TRPM3: variants seen among roughly 807,000 people sequenced by gnomAD.
The protein encoded by TRPM3 is long transient receptor potential channel 3.
Under a neutral mutation model 181.2 loss-of-function variants are expected in TRPM3, and 77 were observed. The observed-to-expected ratio is 0.42, with a 90% CI of 0.35 to 0.51. The LOEUF is 0.51. Ranked by LOEUF, TRPM3 falls within the 20% of genes least tolerant of loss-of-function variation. The pLI, the probability that TRPM3 is intolerant of heterozygous loss-of-function variation, is 0.01. For synonymous variants in TRPM3, 745 were observed against 796.4 expected (o/e 0.94, Z 1.09); for missense variants, 1,759 against 2,196.7 (o/e 0.80, Z 3.98).
At chr9:71,446,537 A>T in intron 1 of TRPM3, 2 of 1,088,076 alleles carry the variant, frequency 1.8e-6, no homozygotes, top group Non-Finnish European at 2.6e-6. Flanking sequence ...AAGCGGCGCC[A>T]CAAGTTCCCT....
chr9:71,205,087 T>C (rs1291923201), intron 1 of TRPM3, among the ~76,000 whole-genome samples: 1 of 151,692 alleles, frequency 6.6e-6, no homozygotes, highest in Non-Finnish European at 1.5e-5. Flanking sequence ...CAGGGAGGAA[T>C]TGCATTAGGA....
intron 1 of TRPM3, among the ~76,000 whole-genome samples, chr9:71,161,426 T>G (rs1286467240): frequency 1.3e-5 from 2 of 152,138 alleles, no homozygotes; most frequent in Non-Finnish European, 1.5e-5. Flanking sequence ...TGTATTTTCC[T>G]TGAGAAAGGA....
At chr9:71,326,505 T>C (rs1458730705) in intron 1 of TRPM3, among the ~76,000 whole-genome samples, 1 of 152,258 alleles carries the variant, frequency 6.6e-6, no homozygotes, top group Non-Finnish European at 1.5e-5. Context: ...ATAACTTACC[T>C]GGCTGAGCAT....
At chr9:71,239,758 GCTTT>G (rs945703661) in intron 1 of TRPM3, among the ~76,000 whole-genome samples, 2 of 151,986 alleles carry the variant, frequency 1.3e-5, no homozygotes, top group African/African-American at 4.8e-5. Context: ...TATTAAATGG[GCTTT>G]CTTTTTTGTC....
intron 1 of TRPM3, among the ~76,000 whole-genome samples, chr9:70,916,830 G>T (rs370029634): frequency 1.3e-5 from 2 of 152,166 alleles, no homozygotes; most frequent in Non-Finnish European, 2.9e-5. Context: ...TAACTTCACA[G>T]TATGGTGATA....
At chr9:70,766,924 G>C (rs2079247611) in intron 7 of TRPM3, among the ~76,000 whole-genome samples, 1 of 152,208 alleles carries the variant, frequency 6.6e-6, no homozygotes, top group South Asian at 2.1e-4. Flanking sequence ...AACTATAATA[G>C]TACTTATCTC....
At chr9:70,841,510 T>TA (rs933651102) in intron 5 of TRPM3, among the ~76,000 whole-genome samples, 5 of 150,240 alleles carry the variant, frequency 3.3e-5, no homozygotes, top group African/African-American at 1.2e-4. Flanking sequence ...AATCATTATA[T>TA]AAAAAAGACA....
intron 8 of TRPM3, among the ~76,000 whole-genome samples, chr9:70,689,998 T>C (rs1407963080): frequency 6.6e-6 from 1 of 152,186 alleles, no homozygotes; most frequent in Non-Finnish European, 1.5e-5. Flanking sequence ...AAGGTATCTA[T>C]TAATTAGCTT....
At chr9:71,368,352 GC>G (rs1339469699) in intron 1 of TRPM3, among the ~76,000 whole-genome samples, 1 of 152,172 alleles carries the variant, frequency 6.6e-6, no homozygotes, top group Non-Finnish European at 1.5e-5. Flanking sequence ...TTCTCAGGCA[GC>G]TGGCTAAACT....
At chr9:70,928,469 T>C (rs2096743052) in intron 1 of TRPM3, among the ~76,000 whole-genome samples, 1 of 152,206 alleles carries the variant, frequency 6.6e-6, no homozygotes. Context: ...AGAACCCATC[T>C]AAATGTTGAG....
chr9:70,628,818 T>TAAAAAAAAAAAAAAA (rs10699305), intron 12 of TRPM3, among the ~76,000 whole-genome samples: 1 of 89,538 alleles, frequency 1.1e-5, no homozygotes, highest in Non-Finnish European at 2.1e-5. Flanking sequence ...GACTCTGTCT[T>TAAAAAAAAAAAAAAA]AAAAAAAAAA....
intron 1 of TRPM3, among the ~76,000 whole-genome samples, chr9:71,442,857 A>G (rs771894766): frequency 3.9e-5 from 6 of 152,260 alleles, no homozygotes; most frequent in Non-Finnish European, 8.8e-5. Flanking sequence ...CTGCACAGAT[A>G]GAATCAAAAC....
At chr9:70,538,905 C>G (rs1005351069) in intron 25 of TRPM3, among the ~76,000 whole-genome samples, 11 of 152,216 alleles carry the variant, frequency 7.2e-5, no homozygotes, top group Non-Finnish European at 1.2e-4. Flanking sequence ...TTATTTTTCA[C>G]TTGCTCAAAT....
At chr9:71,336,029 T>C (rs2090533355) in intron 1 of TRPM3, among the ~76,000 whole-genome samples, 1 of 152,054 alleles carries the variant, frequency 6.6e-6, no homozygotes, top group Non-Finnish European at 1.5e-5. Context: ...ACTATTAGCT[T>C]ATTAACATAT....
At chr9:70,866,495 A>T (rs2095652058) in intron 1 of TRPM3, among the ~76,000 whole-genome samples, 1 of 152,040 alleles carries the variant, frequency 6.6e-6, no homozygotes, top group Non-Finnish European at 1.5e-5. Flanking sequence ...TAAAATGGAG[A>T]CAACAGCAAT....
chr9:70,622,725 T>C (rs1225305667), intron 14 of TRPM3, among the ~76,000 whole-genome samples: 1 of 152,240 alleles, frequency 6.6e-6, no homozygotes, highest in East Asian at 1.9e-4. Flanking sequence ...CTTTTAAATA[T>C]TTCAGAATGG....
At chr9:71,256,218 G>C (rs10781003) in intron 1 of TRPM3, among the ~76,000 whole-genome samples, 82,454 of 151,970 alleles carry the variant, frequency 0.54, 22,487 homozygotes, top group African/African-American at 0.59. Context: ...CAGTTTCTGG[G>C]GATAATGGTT....
intron 1 of TRPM3, among the ~76,000 whole-genome samples, chr9:71,154,460 T>C (rs2075884356): frequency 6.6e-6 from 1 of 151,844 alleles, no homozygotes; most frequent in Non-Finnish European, 1.5e-5. Flanking sequence ...CACTTAAGGG[T>C]TCCCTGAACC....
chr9:70,686,009 G>A (rs1437939057), intron 8 of TRPM3, among the ~76,000 whole-genome samples: 2 of 150,540 alleles, frequency 1.3e-5, no homozygotes, highest in East Asian at 3.9e-4. Context: ...ACATATATAT[G>A]TTTATATGGT....
Sources: allele counts gnomAD v4.1 joint callset (sites outside exome capture counted in the v4.1 genomes callset), GRCh38; gene constraint gnomAD v4.1.1; transcripts MANE v1.5; gene names NCBI Gene and HGNC (gene_info 2026-07-23, HGNC 2026-07-21).